MGST1: variants seen among roughly 807,000 people sequenced by gnomAD.
MGST1 encodes the protein microsomal glutathione S-transferase 1, also known as glutathione S-transferase 12.
MGST1 carries 5 observed loss-of-function variants against 8.9 expected under a neutral mutation model. That is an observed-to-expected ratio of 0.56 (90% CI 0.29 to 1.19). MGST1 has a LOEUF of 1.19. Ranked by LOEUF, MGST1 falls within the 50% of genes most tolerant of loss-of-function variation. The pLI, the probability that MGST1 is intolerant of heterozygous loss-of-function variation, is 0.08. For synonymous variants in MGST1, 54 were observed against 67.8 expected, an observed-to-expected ratio of 0.80 and a Z score of 1.00; for missense variants, 182 against 187.4, an observed-to-expected ratio of 0.97 and a Z score of 0.17.
chr12:16,574,910 G>A (rs984121935), intron 4 of MGST1, among the ~76,000 whole-genome samples: 5 of 152,080 alleles, frequency 3.3e-5, no homozygotes, highest in African/African-American at 9.7e-5. Flanking sequence ...GGCCGAGTCC[G>A]AGTCTATGTG....
rs113499630 is a variant in MGST1, at chr12:16,559,050, T to C, written n.483-30478T>C. On this transcript the variant is annotated intron_variant and non_coding_transcript_variant, in intron 4 of 4. Coordinates refer to the MGST1 transcript ENST00000538857. This position sits in a 1 kb window ranked among gnomAD's most constrained non-coding sequence, Gnocchi z 4.1. ...TAGAAATGTCACATTCTTTCTACTA[T>C]TCTACAGGGTCTCATAAGAAGATTC... Among the ~76,000 whole-genome samples, 1,182 of 152,268 alleles carry C rather than the reference T, an allele frequency of 7.8e-3. 22 individuals are homozygous for C. Among genetic ancestry groups the C allele is most frequent in the African/African-American group, 0.027 (1,133 of 41,546 alleles).
At position 16,559,012 on chromosome 12, in the gene MGST1, A is replaced by G. The variant is rs1942294545; in HGVS notation, n.483-30516A>G. Among the ~76,000 whole-genome samples the G allele has an allele frequency of 5.9e-5, 9 of 152,190 alleles. 1 individual carries two copies. The South Asian group carries it at 1.9e-3, about 31-fold the overall frequency. Reference sequence around the variant, plus strand: ...AATATATGGTGGTGCTGAAATTTGAATCCCGTTCTCACTAGAAATGTCACA... The same window carrying G: ...AATATATGGTGGTGCTGAAATTTGAGTCCCGTTCTCACTAGAAATGTCACA... On this transcript the variant is annotated intron_variant and non_coding_transcript_variant, in intron 4 of 4. Transcript: ENST00000538857. The surrounding 1 kb of genome is among the most constrained non-coding windows in gnomAD (Gnocchi z 4.1).
At position 16,363,726 on chromosome 12, in the gene MGST1, G is replaced by A; in HGVS notation, c.222-69G>A. 1 of 1,322,888 alleles carries A rather than the reference G, an allele frequency of 7.6e-7. No individual in the cohort carries two copies. Among genetic ancestry groups the A allele is most frequent in the Non-Finnish European group, 1.0e-6 (1 of 990,790 alleles). The allele number at this position is 1,322,888 out of a possible 1,614,324, so 81.9% of individuals were successfully genotyped here. A position where few individuals can be genotyped will look rare whatever the true frequency, so the allele number is the denominator to read the frequency against. On this transcript the variant is annotated intron_variant, in intron 3 of 3. Coordinates refer to ENST00000396210, the MANE Select transcript of MGST1 (RefSeq NM_020300.5). This position sits in a 1 kb window ranked among gnomAD's most constrained non-coding sequence, Gnocchi z 4.6. Reference sequence around the variant, plus strand: ...TAGTGCTCAGATTTAGTTTTTAGAAGAGAGAGAAAAAAGGATACATATCTA... The same window carrying A: ...TAGTGCTCAGATTTAGTTTTTAGAAAAGAGAGAAAAAAGGATACATATCTA...
rs916315303 is a variant in MGST1 at position 16,410,337 on chromosome 12, T to A, written n.778+26733T>A. On this transcript the variant is annotated intron_variant and non_coding_transcript_variant, in intron 1 of 1. Coordinates refer to the MGST1 transcript ENST00000359720. This position sits in a 1 kb window ranked among gnomAD's most constrained non-coding sequence, Gnocchi z 4.4. ...TTCCTGCTTATATACCTCCTAAGCATCTCTGAAATACACTTAACTCTTCCT... is the reference window on the plus strand; with the variant it reads ...TTCCTGCTTATATACCTCCTAAGCAACTCTGAAATACACTTAACTCTTCCT... Among the ~76,000 whole-genome samples, 1 of 152,084 alleles carries A rather than the reference T, an allele frequency of 6.6e-6. No individual in the cohort carries two copies. Among genetic ancestry groups the A allele is most frequent in the Non-Finnish European group, 1.5e-5 (1 of 68,006 alleles).
At chr12:16,422,109 G>T (rs907197865) in intron 1 of MGST1, among the ~76,000 whole-genome samples, 5 of 152,110 alleles carry the variant, frequency 3.3e-5, no homozygotes, top group African/African-American at 1.2e-4. Context: ...TCAGAACTGG[G>T]GTGATCATTG....
At chr12:16,472,603 TTAA>T (rs1166841998) in intron 4 of MGST1, among the ~76,000 whole-genome samples, 121 of 152,342 alleles carry the variant, frequency 7.9e-4, no homozygotes, top group African/African-American at 2.6e-3. Flanking sequence ...GTCTGCTGAC[TTAA>T]TAAACTCTCT....
chr12:16,580,911 G>T (rs2137534375), intron 4 of MGST1, among the ~76,000 whole-genome samples: 1 of 152,232 alleles, frequency 6.6e-6, no homozygotes, highest in South Asian at 2.1e-4. Context: ...AATCTATTAT[G>T]AATAAGTATA....
At chr12:16,397,398 CA>C (rs1940614203) in intron 1 of MGST1, among the ~76,000 whole-genome samples, 1 of 152,084 alleles carries the variant, frequency 6.6e-6, no homozygotes, top group South Asian at 2.1e-4. Context: ...AACCCAAAAG[CA>C]AATGCAACAC....
intron 4 of MGST1, among the ~76,000 whole-genome samples, chr12:16,570,945 T>C (rs1942792277): frequency 6.6e-6 from 1 of 152,136 alleles, no homozygotes. Context: ...TGTCAACCTA[T>C]ATAAGAATCT....
At chr12:16,440,340 C>T (rs969783529), downstream of MGST1, among the ~76,000 whole-genome samples, 5 of 151,690 alleles carry the variant, frequency 3.3e-5, no homozygotes, top group Admixed American at 2.6e-4. Context: ...CTCCATGTGA[C>T]AGCCACTCAA....
Position 16,369,937 on chromosome 12 carries a change from C to T in MGST1, c.222-6185C>T, listed in dbSNP as rs900647522. On this transcript the variant is annotated intron_variant, in intron 3 of 3. Transcript: ENST00000535309. This position sits in a 1 kb window ranked among gnomAD's most constrained non-coding sequence, Gnocchi z 4.8. ...AGTGCTGGGAAATGGACTCAACCCC[C>T]TCAGGGAGATGAACCGCAAAGTCAC... is the stretch of plus-strand genomic sequence containing the variant. 6.6e-6 allele frequency: 1 copy of T among 152,216 alleles called. No homozygotes were observed. Among genetic ancestry groups the T allele is most frequent in the African/African-American group, 2.4e-5 (1 of 41,458 alleles). The allele number at this position is 152,216 out of a possible 1,614,324, so 9.4% of individuals were successfully genotyped here.
chr12:16,566,243 A>C (rs1348730146), intron 4 of MGST1, among the ~76,000 whole-genome samples: 1 of 151,428 alleles, frequency 6.6e-6, no homozygotes, highest in African/African-American at 2.4e-5. Flanking sequence ...GAGACTGGGA[A>C]AGGGAGCAGA....
At chr12:16,403,003 C>A (rs67305985) in intron 1 of MGST1, among the ~76,000 whole-genome samples, 12,405 of 150,784 alleles carry the variant, frequency 0.082, 645 homozygotes, top group East Asian at 0.25. Flanking sequence ...TAGACTTAAT[C>A]ATTTTTATCC....
rs529565243 is a variant in MGST1 at position 16,572,512 on chromosome 12, C to A, written n.483-17016C>A. The stretch of plus-strand genomic sequence containing the variant: ...TATTTGAAGTACTTCTTAGAAGCTG[C>A]TATGCCAAAGTGCCTAGAATTTTAA... On this transcript the variant is annotated intron_variant and non_coding_transcript_variant, in intron 4 of 4. Coordinates refer to the MGST1 transcript ENST00000538857. 1.2e-4 allele frequency among the ~76,000 whole-genome samples: 18 copies of A among 149,756 alleles called. 1 individual carries two copies. Among genetic ancestry groups the A allele is most frequent in the African/African-American group, 4.4e-4 (18 of 41,154 alleles).
At chr12:16,400,124 C>T in intron 1 of MGST1, 1 of 1,529,702 alleles carries the variant, frequency 6.5e-7, no homozygotes, top group Non-Finnish European at 9.1e-7. Flanking sequence ...ATTTCTCGTT[C>T]CATCTGCTCA....
intron 4 of MGST1, among the ~76,000 whole-genome samples, chr12:16,575,562 T>C (rs1942967387): frequency 6.6e-6 from 1 of 152,198 alleles, no homozygotes; most frequent in South Asian, 2.1e-4. Flanking sequence ...TCATTAATCC[T>C]CAGGACAACT....
At chr12:16,511,955 A>G (rs1941579956) in intron 4 of MGST1, among the ~76,000 whole-genome samples, 1 of 152,188 alleles carries the variant, frequency 6.6e-6, no homozygotes, top group African/African-American at 2.4e-5. Context: ...AACCTGCAAT[A>G]ATACATTGCC....
rs1334704874 is a variant in MGST1 at position 16,587,793 on chromosome 12, T to A, written n.483-1735T>A. 1.3e-5 allele frequency among the ~76,000 whole-genome samples: 2 copies of A among 152,176 alleles called. No individual in the cohort carries two copies. The highest frequency in any genetic ancestry group is 3.9e-4 in the East Asian group (2 of 5,158). On this transcript the variant is annotated intron_variant and non_coding_transcript_variant, in intron 4 of 4. Transcript: ENST00000538857. The surrounding 1 kb of genome is among the most constrained non-coding windows in gnomAD (Gnocchi z 4.3). ...GCATTTATCTGTCTAAAAATCTCAC[T>A]GTGTCCTGAATGGGGGGTTTCAGGG...
At position 16,583,318 on chromosome 12, in the gene MGST1, A is replaced by T. The variant is rs547472677; in HGVS notation, n.483-6210A>T. 1.1e-3 allele frequency among the ~76,000 whole-genome samples: 161 copies of T among 151,984 alleles called. 3 individuals carry two copies. Among genetic ancestry groups the T allele is most frequent in the South Asian group, 4.8e-3 (23 of 4,818 alleles). On this transcript the variant is annotated intron_variant and non_coding_transcript_variant, in intron 4 of 4. Coordinates refer to the MGST1 transcript ENST00000538857. ...CAACAACAGACTGTTCTTTTTTTTT[A>T]AAAAAATTAGACAATAGGGGAATTG...
Sources: allele counts gnomAD v4.1 joint callset (sites outside exome capture counted in the v4.1 genomes callset), GRCh38; gene constraint gnomAD v4.1.1; non-coding constraint Gnocchi (gnomAD v3.1); transcripts MANE v1.5; gene names NCBI Gene and HGNC (gene_info 2026-07-23, HGNC 2026-07-21).